PDE11A: variants seen among roughly 807,000 people sequenced by gnomAD.
PDE11A encodes dual 3',5'-cyclic-AMP and -GMP phosphodiesterase 11A.
PDE11A carries 100 observed loss-of-function variants against 100.5 expected under a neutral mutation model. The ratio of observed to expected loss-of-function variants is 1.00; its 90% confidence interval spans 0.85 to 1.18. PDE11A has a LOEUF of 1.18. Among genes scored for constraint, PDE11A ranks in the 50% most tolerant of loss-of-function variants. The pLI is 0.00. For missense variants in PDE11A, 1,141 were observed against 1,152.6 expected, an observed-to-expected ratio of 0.99 and a Z score of 0.15; for synonymous variants, 381 against 420.8, an observed-to-expected ratio of 0.91 and a Z score of 1.16.
intron 2 of PDE11A, among the ~76,000 whole-genome samples, chr2:178,091,583 C>T (rs931329249): frequency 6.6e-6 from 1 of 152,158 alleles, no homozygotes; most frequent in African/African-American, 2.4e-5. Flanking sequence ...TGACCTAGTC[C>T]ACTACCCATC....
intron 9 of PDE11A, among the ~76,000 whole-genome samples, chr2:177,792,079 T>C (rs1438546178): frequency 6.6e-6 from 1 of 152,192 alleles, no homozygotes; most frequent in South Asian, 2.1e-4. Context: ...TGGACTATAA[T>C]TTATAACTAT....
chr2:177,788,355 C>A (rs28867487), intron 9 of PDE11A, among the ~76,000 whole-genome samples: 36,708 of 132,198 alleles, frequency 0.28, 5,510 homozygotes, highest in African/African-American at 0.33. Flanking sequence ...ACAAAGACAC[C>A]ACATACCAGA....
intron 1 of PDE11A, among the ~76,000 whole-genome samples, chr2:178,051,087 T>G (rs2086820847): frequency 6.6e-6 from 1 of 151,684 alleles, no homozygotes; most frequent in Non-Finnish European, 1.5e-5. Flanking sequence ...GAAGAAAAAA[T>G]GCTAAGGGCA....
chr2:178,029,037 C>T (rs1054091802), intron 1 of PDE11A, among the ~76,000 whole-genome samples: 6 of 152,184 alleles, frequency 3.9e-5, no homozygotes, highest in African/African-American at 1.4e-4. Flanking sequence ...TTCATAGCTT[C>T]CAAGTCCCTC....
intron 9 of PDE11A, among the ~76,000 whole-genome samples, chr2:177,780,824 G>A (rs1412236181): frequency 6.6e-6 from 1 of 152,152 alleles, no homozygotes; most frequent in East Asian, 1.9e-4. Flanking sequence ...TCTGGATTAG[G>A]CTTTGGCTTA....
At chr2:177,959,000 A>T (rs944169504) in intron 2 of PDE11A, among the ~76,000 whole-genome samples, 1 of 152,234 alleles carries the variant, frequency 6.6e-6, no homozygotes, top group Non-Finnish European at 1.5e-5. Flanking sequence ...CTTACATGCC[A>T]TAGTGGAGGA....
chr2:177,870,240 C>T (rs1486833636), intron 5 of PDE11A, among the ~76,000 whole-genome samples: 1 of 152,094 alleles, frequency 6.6e-6, no homozygotes, highest in East Asian at 1.9e-4. Flanking sequence ...TTTCCAAAAA[C>T]AAATATTTTC....
intron 1 of PDE11A, among the ~76,000 whole-genome samples, chr2:178,025,422 T>A (rs939618276): frequency 6.6e-5 from 10 of 152,222 alleles, no homozygotes; most frequent in Non-Finnish European, 1.3e-4. Context: ...TCCCTTTTTT[T>A]AGTCACGTTG....
intron 6 of PDE11A, 109 bp downstream of exon 6, chr2:177,840,142 G>A: frequency 1.7e-6 from 2 of 1,143,342 alleles, no homozygotes; most frequent in Non-Finnish European, 2.6e-6. Context: ...TAAGATCACA[G>A]GGGAAGGATG....
At chr2:177,912,466 C>T (rs1159941257) in intron 2 of PDE11A, among the ~76,000 whole-genome samples, 1 of 152,170 alleles carries the variant, frequency 6.6e-6, no homozygotes, top group Non-Finnish European at 1.5e-5. Flanking sequence ...CTCTGGTCTA[C>T]TGAGTGCTTG....
At chr2:177,929,669 G>A (rs555590939) in intron 2 of PDE11A, among the ~76,000 whole-genome samples, 2 of 152,298 alleles carry the variant, frequency 1.3e-5, no homozygotes, top group East Asian at 3.9e-4. Flanking sequence ...GAGGCTGTAT[G>A]TGGGTGAATG....
chr2:177,668,234 AT>A (rs2080618955), intron 18 of PDE11A, among the ~76,000 whole-genome samples: 1 of 151,882 alleles, frequency 6.6e-6, no homozygotes, highest in African/African-American at 2.4e-5. Flanking sequence ...ATTTACTCAT[AT>A]TTTTTTCATT....
chr2:177,820,259 G>T lies in PDE11A; in HGVS notation c.1537C>A (p.Leu513Ile). 1 of 1,594,170 alleles carries T rather than the reference G, an allele frequency of 6.3e-7. No individual in the cohort carries two copies. Among genetic ancestry groups the T allele is most frequent in the Non-Finnish European group, 8.6e-7 (1 of 1,162,318 alleles). ...QISGFHIRSV[L>I]CVPIWNSNHQ... ...TTGCTATTCCAAATAGGGACACAAA[G>T]AACAGATCTTATGTGAAAACCAGAT... The change falls in exon 7 of 20, where the codon CTT (leucine) becomes ATT (isoleucine). Residue 513 changes from leucine (L) to isoleucine (I), a missense_variant. By Grantham distance (5) the Leu-to-Ile change is conservative. Transcript: ENST00000286063.
At chr2:177,634,281 C>T (rs2079998584) in intron 19 of PDE11A, among the ~76,000 whole-genome samples, 1 of 152,072 alleles carries the variant, frequency 6.6e-6, no homozygotes, top group African/African-American at 2.4e-5. Flanking sequence ...TTTATATTCT[C>T]CTGAAACACA....
intron 2 of PDE11A, among the ~76,000 whole-genome samples, chr2:178,012,373 TA>T (rs906523687): frequency 6.6e-6 from 1 of 152,186 alleles, no homozygotes; most frequent in African/African-American, 2.4e-5. Flanking sequence ...ATTAATTATT[TA>T]AAAAAATTGT....
In PDE11A at chr2:177,665,831, T is replaced by C. The variant is rs979598280; in HGVS notation, c.2563-1882A>G. ...AAAATTGTGCCACTGCACTCCAGCC[T>C]CGGCGACAGAGCAAGACTCCATCTC... On this transcript the variant is annotated intron_variant, in intron 18 of 19. Coordinates refer to ENST00000286063, the MANE Select transcript of PDE11A (RefSeq NM_016953.4). Among the ~76,000 whole-genome samples the C allele has an allele frequency of 2.1e-5, 3 of 145,972 alleles. No homozygotes were observed. In the Admixed American group the frequency reaches 2.1e-4, roughly 10 times the overall value.
intron 5 of PDE11A, among the ~76,000 whole-genome samples, chr2:177,871,837 G>A (rs1351820803): frequency 6.6e-6 from 1 of 152,024 alleles, no homozygotes; most frequent in Non-Finnish European, 1.5e-5. Context: ...CTCTTGCCTG[G>A]GCAACAGAGT....
At chr2:177,682,260 G>A (rs569519891) in intron 15 of PDE11A, among the ~76,000 whole-genome samples, 88 of 152,204 alleles carry the variant, frequency 5.8e-4, no homozygotes, top group African/African-American at 2.0e-3. Context: ...AAGATGTTCC[G>A]CCTTTCCTGA....
At chr2:177,658,734 T>TAA (rs1553535020) in intron 19 of PDE11A, among the ~76,000 whole-genome samples, 1 of 150,134 alleles carries the variant, frequency 6.7e-6, no homozygotes, top group African/African-American at 2.5e-5. Flanking sequence ...TTTTTTTTTT[T>TAA]AATATCTGAT....
Sources: allele counts gnomAD v4.1 joint callset (sites outside exome capture counted in the v4.1 genomes callset), GRCh38; gene constraint gnomAD v4.1.1; transcripts MANE v1.5; gene names NCBI Gene and HGNC (gene_info 2026-07-23, HGNC 2026-07-21).